KLHDC10: variants seen among roughly 807,000 people sequenced by gnomAD.
The protein encoded by KLHDC10 is kelch domain-containing protein 10.
In KLHDC10, 24 loss-of-function variants were observed where a neutral mutation model predicts 56.1. The observed-to-expected ratio is 0.43, with a 90% CI of 0.31 to 0.60. The LOEUF (loss-of-function observed/expected upper bound fraction) is 0.60, where lower values mean the gene tolerates loss of function less well. Ranked by LOEUF, KLHDC10 falls within the 20% of genes least tolerant of loss-of-function variation. The probability of loss-of-function intolerance (pLI) is 0.11; values close to 1 mark genes in which losing one functional copy is unlikely to be tolerated. For missense variants in KLHDC10, 349 were observed against 567.0 expected, an observed-to-expected ratio of 0.62 and a Z score of 3.91; for synonymous variants, 188 against 207.1, an observed-to-expected ratio of 0.91 and a Z score of 0.79.
intron 1 of KLHDC10, among the ~76,000 whole-genome samples, chr7:130,074,062 A>G (rs550875416): frequency 1.3e-5 from 2 of 152,272 alleles, no homozygotes; most frequent in South Asian, 2.1e-4. Context: ...AATCTTTAAC[A>G]TGGCCTCAAA....
At chr7:130,112,930 C>T (rs1796120898) in intron 2 of KLHDC10, among the ~76,000 whole-genome samples, 1 of 152,040 alleles carries the variant, frequency 6.6e-6, no homozygotes, top group African/African-American at 2.4e-5. Context: ...AGCACTGTGT[C>T]AGAAATAGGT....
chr7:130,126,046 G>A lies in KLHDC10; in HGVS notation c.931+115G>A, dbSNP rs2116917624. The A allele has an allele frequency of 5.2e-6, 4 of 767,754 alleles. No individual in the cohort carries two copies. In the South Asian group the frequency reaches 7.8e-5, roughly 15 times the overall value. 47.6% of individuals were successfully genotyped at this position (767,754 alleles called of 1,614,324 possible). ...ATATGTCAAGTTAAATACCTGTTGG[G>A]CTGGGCGCATTGTCTCACGCCTATA... On this transcript the variant is annotated intron_variant, in intron 7 of 9. Coordinates refer to ENST00000335420, the MANE Select transcript of KLHDC10 (RefSeq NM_014997.4).
intron 3 of KLHDC10, among the ~76,000 whole-genome samples, chr7:130,119,823 G>A (rs1436615226): frequency 2.3e-5 from 3 of 128,262 alleles, no homozygotes; most frequent in Non-Finnish European, 4.7e-5. Context: ...CAGCCCGGGA[G>A]ACAGAGCAAG....
At chr7:130,082,156 T>G (rs1405303807) in intron 1 of KLHDC10, among the ~76,000 whole-genome samples, 2 of 152,042 alleles carry the variant, frequency 1.3e-5, no homozygotes, top group East Asian at 1.9e-4. Flanking sequence ...TTACAAAAAA[T>G]AAACAATATT....
chr7:130,085,334 G>GAAA (rs538218868), intron 1 of KLHDC10, among the ~76,000 whole-genome samples: 2 of 75,616 alleles, frequency 2.6e-5, no homozygotes, highest in African/African-American at 5.1e-5. Context: ...CTCCATCTCA[G>GAAA]AAAAAAAAAA....
chr7:130,130,609 A>G lies in KLHDC10; in HGVS notation c.1192A>G (p.Ile398Val), dbSNP rs1355469341. The change falls in exon 10 of 10, where the codon ATC (isoleucine) becomes GTC (valine). Residue 398 changes from isoleucine to valine, a missense_variant. By Grantham distance (29) the Ile-to-Val change is conservative. Around this residue, in one of 2 missense-constraint regions of KLHDC10, gnomAD observed 245 missense variants for 470.1 expected, o/e 0.52. Transcript: ENST00000335420. This position sits in a 1 kb window ranked among gnomAD's most constrained non-coding sequence, Gnocchi z 4.2. ...ENKRTGSLFKIWLVVPSLLEL... is the reference protein window; with the variant it reads ...ENKRTGSLFKVWLVVPSLLEL... The stretch of plus-strand genomic sequence containing the variant: ...CAAACGGACTGGGTCATTGTTTAAG[A>G]TCTGGCTGGTGGTACCTAGCCTGCT... 4 of 1,614,086 alleles carry G rather than the reference A, an allele frequency of 2.5e-6. No homozygotes were observed. The highest frequency in any genetic ancestry group is 2.5e-6 in the Non-Finnish European group (3 of 1,180,024).
intron 8 of KLHDC10, among the ~76,000 whole-genome samples, chr7:130,128,045 C>G (rs1796335895): frequency 6.6e-6 from 1 of 152,140 alleles, no homozygotes; most frequent in African/African-American, 2.4e-5. Context: ...TAAATTTTTT[C>G]TGGGAGGAAA....
At chr7:130,112,548 G>C (rs1480531525) in intron 2 of KLHDC10, among the ~76,000 whole-genome samples, 1 of 152,126 alleles carries the variant, frequency 6.6e-6, no homozygotes, top group Non-Finnish European at 1.5e-5. Context: ...AGTTGGGGGA[G>C]GATTTAGAGA....
chr7:130,120,726 A>C lies in KLHDC10; in HGVS notation c.476-23A>C, dbSNP rs758633977. 2.0e-5 allele frequency: 32 copies of C among 1,612,958 alleles called. No homozygotes were observed. Among genetic ancestry groups the C allele is most frequent in the Non-Finnish European group, 2.6e-5 (31 of 1,179,446 alleles). On this transcript the variant is annotated intron_variant, in intron 3 of 9. Transcript: ENST00000335420. The surrounding 1 kb of genome is among the most constrained non-coding windows in gnomAD (Gnocchi z 5.1). ...ATTGCAGGTAGCCATTTGTGAACAG[A>C]ACTTGTGCTTCTCCTTCCTCAGTTG...
At position 130,070,587 on chromosome 7, in the gene KLHDC10, C is replaced by A; in HGVS notation, c.-57C>A. The stretch of plus-strand genomic sequence containing the variant: ...GGAGGAGCCCAGGAAGGAGGCTCCG[C>A]TGGTTCCGCTGGGTCAGGCGCTGAC... On this transcript the variant is annotated 5_prime_UTR_variant, in exon 1 of 10. The change creates a new upstream start codon in the 5' untranslated region. Coordinates refer to ENST00000335420, the MANE Select transcript of KLHDC10 (RefSeq NM_014997.4). 7.8e-7 allele frequency: 1 copy of A among 1,280,522 alleles called. No homozygotes were observed. The allele number at this position is 1,280,522 out of a possible 1,614,324, so 79.3% of individuals were successfully genotyped here.
intron 1 of KLHDC10, among the ~76,000 whole-genome samples, chr7:130,082,674 C>G (rs1471897613): frequency 2.6e-5 from 4 of 152,174 alleles, no homozygotes; most frequent in Non-Finnish European, 5.9e-5. Flanking sequence ...AGAATAGACT[C>G]TGTTGTTTAT....
At chr7:130,091,442 C>T (rs1462118487) in intron 1 of KLHDC10, among the ~76,000 whole-genome samples, 2 of 152,198 alleles carry the variant, frequency 1.3e-5, no homozygotes, top group African/African-American at 4.8e-5. Context: ...TCTTCAGGTT[C>T]TCTAGAATGA....
intron 1 of KLHDC10, among the ~76,000 whole-genome samples, chr7:130,094,172 C>T (rs1039102845): frequency 1.4e-4 from 22 of 152,034 alleles, no homozygotes; most frequent in African/African-American, 4.6e-4. Flanking sequence ...GTGATCTGCC[C>T]GCCTTGGCCT....
At chr7:130,129,932 A>C (rs1367643628) in intron 9 of KLHDC10, among the ~76,000 whole-genome samples, 2 of 152,174 alleles carry the variant, frequency 1.3e-5, no homozygotes, top group Non-Finnish European at 2.9e-5. Flanking sequence ...TCATCTTTGT[A>C]TTCCCAGTAT....
chr7:130,081,109 C>T (rs1448923446), intron 1 of KLHDC10, among the ~76,000 whole-genome samples: 1 of 150,518 alleles, frequency 6.6e-6, no homozygotes, highest in East Asian at 1.9e-4. Flanking sequence ...CGCCATTCTC[C>T]TGCCTCAGCC....
chr7:130,100,481 A>G (rs1401417283), intron 2 of KLHDC10, among the ~76,000 whole-genome samples: 2 of 152,232 alleles, frequency 1.3e-5, no homozygotes, highest in Non-Finnish European at 2.9e-5. Context: ...TAGCAGGTAT[A>G]TCATATGTAT....
At chr7:130,128,889 A>AAAAAAAAATATATATATATATATATAT in intron 8 of KLHDC10, among the ~76,000 whole-genome samples, 7 of 66,948 alleles carry the variant, frequency 1.0e-4, no homozygotes, top group Non-Finnish European at 1.7e-4. Context: ...AAAAAAAAAA[A>AAAAAAAAATATATATATATATATATAT]ATATATATAT....
In KLHDC10 at chr7:130,131,758, A is replaced by C. The variant is rs925579983; in HGVS notation, c.*1012A>C. 6.6e-6 allele frequency: 1 copy of C among 152,172 alleles called. No homozygotes were observed. The highest frequency in any genetic ancestry group is 2.1e-4 in the South Asian group (1 of 4,834). 9.4% of individuals were successfully genotyped at this position (152,172 alleles called of 1,614,324 possible). A position where few individuals can be genotyped will look rare whatever the true frequency, so the allele number is the denominator to read the frequency against. On this transcript the variant is annotated 3_prime_UTR_variant, in exon 10 of 10. Coordinates refer to ENST00000335420, the MANE Select transcript of KLHDC10 (RefSeq NM_014997.4). ...TCCACTCGGGCTGTGGTCTTTGGCT[A>C]TCATCTTGGCCATTTCCTTTTGAGA...
intron 1 of KLHDC10, among the ~76,000 whole-genome samples, chr7:130,090,603 A>G (rs1049856612): frequency 5.9e-5 from 9 of 151,936 alleles, no homozygotes; most frequent in South Asian, 4.1e-4. Context: ...AAAAAAAAAA[A>G]AGAGAGAAGG....
Sources: gnomAD v4.1 joint callset for allele counts (sites outside exome capture counted in the v4.1 genomes callset) on GRCh38, gnomAD v4.1.1 for gene constraint, gnomAD v4.1.1 regional missense constraint, Gnocchi (gnomAD v3.1) non-coding constraint, MANE v1.5 for transcripts, NCBI Gene and HGNC (gene_info 2026-07-23, HGNC 2026-07-21) for gene names.